MAGI2: variants seen among roughly 807,000 people sequenced by gnomAD.
MAGI2 encodes the protein membrane-associated guanylate kinase, WW and PDZ domain-containing protein 2.
Under a neutral mutation model 133.3 loss-of-function variants are expected in MAGI2, and 35 were observed. The observed-to-expected ratio is 0.26, with a 90% CI of 0.20 to 0.35. MAGI2 has a LOEUF of 0.35. MAGI2 is among the 10% of genes least tolerant of loss of function. MAGI2 has a pLI of 1.00. For synonymous variants in MAGI2, 729 were observed against 710.6 expected, an observed-to-expected ratio of 1.03 and a Z score of -0.41; for missense variants, 1,636 against 1,863.4, an observed-to-expected ratio of 0.88 and a Z score of 2.25.
At chr7:78,123,972 T>C (rs1266889207) in intron 20 of MAGI2, among the ~76,000 whole-genome samples, 1 of 152,226 alleles carries the variant, frequency 6.6e-6, no homozygotes, top group Non-Finnish European at 1.5e-5. Flanking sequence ...AATCTTTTCC[T>C]GCAAGGGTAT....
At chr7:78,555,003 A>T (rs1799661253) in intron 3 of MAGI2, among the ~76,000 whole-genome samples, 1 of 151,866 alleles carries the variant, frequency 6.6e-6, no homozygotes, top group Non-Finnish European at 1.5e-5. Flanking sequence ...AAAAAAATTA[A>T]AATCAGCCAG....
intron 7 of MAGI2, among the ~76,000 whole-genome samples, chr7:78,361,611 T>G (rs1240042468): frequency 6.6e-6 from 1 of 152,222 alleles, no homozygotes; most frequent in African/African-American, 2.4e-5. Flanking sequence ...ACATAACTGA[T>G]GTCAAGGTGA....
chr7:78,657,839 AT>A (rs1252533126), intron 2 of MAGI2, among the ~76,000 whole-genome samples: 3 of 152,200 alleles, frequency 2.0e-5, no homozygotes, highest in Non-Finnish European at 2.9e-5. Context: ...TTCAGCAATT[AT>A]AACAAATGTA....
intron 9 of MAGI2, among the ~76,000 whole-genome samples, chr7:78,316,486 G>C (rs1787420606): frequency 6.6e-6 from 1 of 152,126 alleles, no homozygotes; most frequent in South Asian, 2.1e-4. Flanking sequence ...TAGCTGACAA[G>C]AAAAAGTACT....
intron 20 of MAGI2, among the ~76,000 whole-genome samples, chr7:78,106,241 A>C (rs762495821): frequency 2.6e-5 from 4 of 151,998 alleles, no homozygotes; most frequent in Non-Finnish European, 1.5e-5. Flanking sequence ...TATGTACCAC[A>C]TTTTTTTATT....
chr7:78,499,181 T>C (rs1794401103), intron 5 of MAGI2, among the ~76,000 whole-genome samples: 1 of 152,092 alleles, frequency 6.6e-6, no homozygotes, highest in Admixed American at 6.5e-5. Flanking sequence ...TCTAGTAGGG[T>C]CAGGGGCTTC....
chr7:78,076,454 C>CAAAAAAA (rs55957020), intron 21 of MAGI2, among the ~76,000 whole-genome samples: 1 of 90,412 alleles, frequency 1.1e-5, no homozygotes, highest in African/African-American at 4.3e-5. Flanking sequence ...GACCTTGTTT[C>CAAAAAAA]AAAAAAAAAA....
intron 2 of MAGI2, among the ~76,000 whole-genome samples, chr7:78,765,405 G>A (rs1242104961): frequency 8.2e-6 from 1 of 121,668 alleles, no homozygotes. Context: ...CTGGAGTACA[G>A]TGGTGCAATC....
At chr7:79,347,923 G>T (rs931575917) in intron 1 of MAGI2, among the ~76,000 whole-genome samples, 1 of 151,818 alleles carries the variant, frequency 6.6e-6, no homozygotes, top group Non-Finnish European at 1.5e-5. Context: ...ATACCAGTTA[G>T]TATCACGTAT....
At chr7:78,687,995 AAAAAAAG>A (rs1240986353) in intron 2 of MAGI2, among the ~76,000 whole-genome samples, 4 of 131,582 alleles carry the variant, frequency 3.0e-5, no homozygotes, top group East Asian at 4.5e-4. Context: ...AAAAAAAAAA[AAAAAAAG>A]AAAAAAGAAA....
chr7:79,308,027 T>G (rs1837959430), intron 1 of MAGI2, among the ~76,000 whole-genome samples: 1 of 152,216 alleles, frequency 6.6e-6, no homozygotes. Flanking sequence ...ATGCCCATTA[T>G]CTTTGGGGAG....
At chr7:78,552,029 G>A (rs1245457806) in intron 3 of MAGI2, among the ~76,000 whole-genome samples, 1 of 152,102 alleles carries the variant, frequency 6.6e-6, no homozygotes, top group East Asian at 1.9e-4. Flanking sequence ...ATAGGCATAA[G>A]CCACTGCATC....
chr7:78,084,430 T>A (rs1816392945), intron 20 of MAGI2, among the ~76,000 whole-genome samples: 1 of 152,216 alleles, frequency 6.6e-6, no homozygotes, highest in Non-Finnish European at 1.5e-5. Context: ...GTTGAGTCAA[T>A]GAATGTTTGG....
intron 9 of MAGI2, among the ~76,000 whole-genome samples, chr7:78,285,065 G>C (rs1796008814): frequency 6.6e-6 from 1 of 152,078 alleles, no homozygotes; most frequent in Non-Finnish European, 1.5e-5. Context: ...GAGTAACTTT[G>C]ACAACTTAGG....
intron 1 of MAGI2, among the ~76,000 whole-genome samples, chr7:79,147,864 G>A (rs1822800992): frequency 6.6e-6 from 1 of 152,128 alleles, no homozygotes; most frequent in Admixed American, 6.5e-5. Flanking sequence ...TTGTCCTCCG[G>A]CCAGGTATGT....
At chr7:79,437,551 CT>C (rs1375649036) in intron 1 of MAGI2, among the ~76,000 whole-genome samples, 1 of 151,968 alleles carries the variant, frequency 6.6e-6, no homozygotes, top group African/African-American at 2.4e-5. Flanking sequence ...AGGAAAGTAA[CT>C]CATTACAAAC....
intron 2 of MAGI2, among the ~76,000 whole-genome samples, chr7:78,989,328 G>C (rs1458231669): frequency 6.6e-6 from 1 of 152,032 alleles, no homozygotes; most frequent in Non-Finnish European, 1.5e-5. Context: ...TACCTGTGAT[G>C]TCTTATACAC....
chr7:78,296,913 C>T (rs2151059770), intron 9 of MAGI2, among the ~76,000 whole-genome samples: 1 of 152,270 alleles, frequency 6.6e-6, no homozygotes, highest in South Asian at 2.1e-4. Flanking sequence ...ACAAGGAGTG[C>T]TTTTTTACAC....
intron 1 of MAGI2, among the ~76,000 whole-genome samples, chr7:79,108,488 T>C (rs527926009): frequency 6.6e-6 from 1 of 152,354 alleles, no homozygotes; most frequent in African/African-American, 2.4e-5. Flanking sequence ...AAATACCTAG[T>C]TGGAAAGTTA....
Sources: allele counts gnomAD v4.1 joint callset (sites outside exome capture counted in the v4.1 genomes callset), GRCh38; gene constraint gnomAD v4.1.1; transcripts MANE v1.5; gene names NCBI Gene and HGNC (gene_info 2026-07-23, HGNC 2026-07-21).